Variants in DPH6 observed in about 807,000 individuals in gnomAD.
DPH6 encodes the protein diphthine--ammonia ligase.
Under a neutral mutation model 38.2 loss-of-function variants are expected in DPH6, and 33 were observed. That is an observed-to-expected ratio of 0.86 (90% CI 0.65 to 1.15). DPH6 has a LOEUF of 1.15. DPH6 is among the 50% of genes most tolerant of loss of function. The pLI is 0.00. For synonymous variants in DPH6, 108 were observed against 103.0 expected, an observed-to-expected ratio of 1.05 and a Z score of -0.30; for missense variants, 325 against 320.0, an observed-to-expected ratio of 1.02 and a Z score of -0.12.
chr15:35,513,827 T>C (rs1349585623), intron 3 of DPH6, among the ~76,000 whole-genome samples: 1 of 152,014 alleles, frequency 6.6e-6, no homozygotes, highest in Non-Finnish European at 1.5e-5. Flanking sequence ...CTCGAATATA[T>C]ATATAATTGA....
At chr15:35,507,304 T>G (rs183002581) in intron 3 of DPH6, among the ~76,000 whole-genome samples, 21 of 152,184 alleles carry the variant, frequency 1.4e-4, no homozygotes, top group Middle Eastern at 3.5e-3. Flanking sequence ...AGCAAAATAC[T>G]ATAATATAAA....
At chr15:35,509,142 C>T (rs1385129834) in intron 3 of DPH6, among the ~76,000 whole-genome samples, 1 of 152,122 alleles carries the variant, frequency 6.6e-6, no homozygotes, top group Non-Finnish European at 1.5e-5. Flanking sequence ...CTGTGCTATA[C>T]AATTTTTACT....
intron 3 of DPH6, among the ~76,000 whole-genome samples, chr15:35,482,776 A>G (rs1226070948): frequency 6.6e-6 from 1 of 152,138 alleles, no homozygotes; most frequent in African/African-American, 2.4e-5. Flanking sequence ...CACTGTTAGT[A>G]GTCCCAGCTT....
intron 3 of DPH6, among the ~76,000 whole-genome samples, chr15:35,464,051 T>G (rs1401078470): frequency 6.6e-6 from 1 of 151,958 alleles, no homozygotes; most frequent in African/African-American, 2.4e-5. Flanking sequence ...ATCTCAGCAC[T>G]TTGGGAGGCC....
chr15:35,461,659 A>G (rs971454882), intron 3 of DPH6, among the ~76,000 whole-genome samples: 9 of 151,888 alleles, frequency 5.9e-5, no homozygotes, highest in African/African-American at 1.9e-4. Flanking sequence ...AATAATGATG[A>G]TACCCTGGAG....
intron 3 of DPH6, among the ~76,000 whole-genome samples, chr15:35,533,650 GT>G (rs1407587710): frequency 6.7e-6 from 1 of 150,316 alleles, no homozygotes. Flanking sequence ...AAAAATAATT[GT>G]TGTTATTTTT....
At chr15:35,469,948 A>C (rs924055251) in intron 3 of DPH6, among the ~76,000 whole-genome samples, 1 of 152,214 alleles carries the variant, frequency 6.6e-6, no homozygotes, top group Non-Finnish European at 1.5e-5. Flanking sequence ...CTGTAATCAC[A>C]GCACTTTGGG....
rs1240516521 is a variant in DPH6, at chr15:35,371,403, A to G, written c.*747T>C. The G allele has an allele frequency of 4.8e-6, 1 of 206,420 alleles. No individual in the cohort carries two copies. The highest frequency in any genetic ancestry group is 2.4e-5 in the African/African-American group (1 of 42,416). 12.8% of individuals were successfully genotyped at this position (206,420 alleles called of 1,614,324 possible). On this transcript the variant is annotated 3_prime_UTR_variant, in exon 9 of 9. Transcript: ENST00000256538. ...TAGGTTCATCAGTTGTAACAAATGTACCACTCTATTATAAGACATTGACGG... is the reference window on the plus strand; with the variant it reads ...TAGGTTCATCAGTTGTAACAAATGTGCCACTCTATTATAAGACATTGACGG...
At chr15:35,272,005 A>C (rs1055786878) in intron 3 of DPH6, among the ~76,000 whole-genome samples, 1 of 152,174 alleles carries the variant, frequency 6.6e-6, no homozygotes, top group South Asian at 2.1e-4. Flanking sequence ...GTAAAATACT[A>C]TCTATTTTAT....
At chr15:35,397,500 G>C (rs929357678) in intron 6 of DPH6, among the ~76,000 whole-genome samples, 2 of 152,258 alleles carry the variant, frequency 1.3e-5, no homozygotes, top group African/African-American at 4.8e-5. Context: ...AACCCACAGA[G>C]ATGGAGAACA....
chr15:35,237,995 C>A, intron 3 of DPH6: 1 of 1,483,308 alleles, frequency 6.7e-7, no homozygotes, highest in Non-Finnish European at 9.4e-7. Flanking sequence ...TGAAGAAGAG[C>A]TCCGTGAAGA....
intron 3 of DPH6, among the ~76,000 whole-genome samples, chr15:35,458,107 A>C (rs974271119): frequency 5.3e-5 from 8 of 152,172 alleles, no homozygotes; most frequent in African/African-American, 1.9e-4. Flanking sequence ...GCCATACTGT[A>C]TTTTTAAAAT....
the DPH6 span, among the ~76,000 whole-genome samples, chr15:35,154,014 T>C: frequency 6.6e-6 from 1 of 152,116 alleles, no homozygotes; most frequent in African/African-American, 2.4e-5. Flanking sequence ...CTTACCTAGA[T>C]CTCCAGAGAG....
intron 3 of DPH6, among the ~76,000 whole-genome samples, chr15:35,260,397 C>T (rs562528849): frequency 7.5e-4 from 114 of 151,842 alleles, no homozygotes; most frequent in Non-Finnish European, 1.2e-3. Flanking sequence ...TGAGCCACCG[C>T]GCCCAGCCAG....
At chr15:35,279,068 A>AAAT (rs1555390826) in intron 3 of DPH6, among the ~76,000 whole-genome samples, 1,154 of 102,670 alleles carry the variant, frequency 0.011, 17 homozygotes, top group African/African-American at 0.021. Context: ...AAAAAAAAAA[A>AAAT]ATATATATAT....
chr15:35,429,831 T>C (rs1005079119), intron 5 of DPH6, among the ~76,000 whole-genome samples: 2 of 152,172 alleles, frequency 1.3e-5, no homozygotes, highest in Non-Finnish European at 2.9e-5. Context: ...CTAATATGAA[T>C]AATATTTTGT....
intron 3 of DPH6, among the ~76,000 whole-genome samples, chr15:35,337,859 G>T (rs888681574): frequency 5.9e-5 from 9 of 152,032 alleles, no homozygotes; most frequent in South Asian, 2.1e-4. Flanking sequence ...ACAGAACAGA[G>T]CCCTCAGAAA....
chr15:35,261,886 T>G (rs548497821), intron 3 of DPH6, among the ~76,000 whole-genome samples: 1 of 152,172 alleles, frequency 6.6e-6, no homozygotes, highest in South Asian at 2.1e-4. Flanking sequence ...ATGGAAATTT[T>G]AAGTTAGAGT....
chr15:35,473,931 TGTGTGTGTGTGTGTGTGTGTGTGTGTGC>T (rs892817140), intron 3 of DPH6, among the ~76,000 whole-genome samples: 1 of 58,584 alleles, frequency 1.7e-5, no homozygotes, highest in Non-Finnish European at 3.6e-5. Context: ...TGTGTGTGTG[TGTGTGTGTGTGTGTGTGTGTGTGTGTGC>T]GCGCGCGCGC....
Sources: allele counts gnomAD v4.1 joint callset (sites outside exome capture counted in the v4.1 genomes callset), GRCh38; gene constraint gnomAD v4.1.1; transcripts MANE v1.5; gene names NCBI Gene and HGNC (gene_info 2026-07-23, HGNC 2026-07-21).